Variants in CEP128 observed in about 807,000 individuals in gnomAD.
CEP128 encodes centrosomal protein 128kDa.
Under a neutral mutation model 156.7 loss-of-function variants are expected in CEP128, and 132 were observed. The observed-to-expected ratio is 0.84, with a 90% CI of 0.73 to 0.97. The LOEUF (loss-of-function observed/expected upper bound fraction) is 0.97, where lower values mean the gene tolerates loss of function less well. Ranked by LOEUF, CEP128 falls within the 50% of genes least tolerant of loss-of-function variation. CEP128 has a pLI of 0.00. For synonymous variants in CEP128, 469 were observed against 448.9 expected (o/e 1.04, Z -0.57); for missense variants, 1,252 against 1,281.9 (o/e 0.98, Z 0.36).
At chr14:80,677,508 C>CAAAAAAAAAAAAAAAAAA (rs57636757) in intron 19 of CEP128, among the ~76,000 whole-genome samples, 4 of 94,062 alleles carry the variant, frequency 4.3e-5, no homozygotes, top group African/African-American at 1.4e-4. Context: ...GACTCCGTCT[C>CAAAAAAAAAAAAAAAAAA]AAAAAAAAAA....
At chr14:80,923,130 T>G (rs1432360511) in intron 2 of CEP128, among the ~76,000 whole-genome samples, 1 of 152,242 alleles carries the variant, frequency 6.6e-6, no homozygotes, top group Non-Finnish European at 1.5e-5. Flanking sequence ...ATAGCTTATT[T>G]AGCTGCTCCC....
chr14:80,729,059 GTGTGTGTGTGTGTGTGT>G (rs1898146904), intron 19 of CEP128, among the ~76,000 whole-genome samples: 1 of 16,450 alleles, frequency 6.1e-5, no homozygotes, highest in African/African-American at 1.9e-4. Flanking sequence ...GCTGGTGGGG[GTGTGTGTGTGTGTGTGT>G]GTGTGTGTGT....
At chr14:80,726,605 T>C (rs1898029809) in intron 19 of CEP128, among the ~76,000 whole-genome samples, 1 of 152,224 alleles carries the variant, frequency 6.6e-6, no homozygotes, top group South Asian at 2.1e-4. Flanking sequence ...ACAGGTAGTC[T>C]TTGAAAATAA....
chr14:80,831,268 C>T lies in CEP128; in HGVS notation c.1084G>A (p.Glu362Lys). The change falls in exon 13 of 25, where the codon GAG becomes AAG. Residue 362 changes from glutamate (E) to lysine (K), a missense_variant. Transcript: ENST00000555265. The stretch of plus-strand genomic sequence containing the variant: ...ACTCTCAAATCTGACATTTGCTTCT[C>T]CAGGTCCTGTTTTTCCCGCTCAACC... ...RGVEREKQDL[E>K]KQMSDLRVQL... 4.3e-6 allele frequency: 7 copies of T among 1,613,976 alleles called. No individual in the cohort carries two copies. Among genetic ancestry groups the T allele is most frequent in the Non-Finnish European group, 5.1e-6 (6 of 1,179,932 alleles).
At chr14:80,895,460 A>C (rs984696913) in intron 8 of CEP128, among the ~76,000 whole-genome samples, 6 of 152,208 alleles carry the variant, frequency 3.9e-5, no homozygotes, top group African/African-American at 1.4e-4. Context: ...GTTAAAACAA[A>C]TGTTGACTGT....
chr14:80,935,599 T>TAAATAAATAAAA (rs1239911844), intron 2 of CEP128, among the ~76,000 whole-genome samples: 56 of 46,272 alleles, frequency 1.2e-3, no homozygotes, highest in African/African-American at 4.4e-3. Flanking sequence ...AATAAATAAA[T>TAAATAAATAAAA]AAAAATAAAG....
intron 4 of CEP128, among the ~76,000 whole-genome samples, chr14:80,909,371 T>TCACACACACACACACACACACA (rs36082524): frequency 2.5e-4 from 36 of 142,434 alleles, no homozygotes; most frequent in Middle Eastern, 3.6e-3. Context: ...AAGTGAATTT[T>TCACACACACACACACACACACA]CACACACACA....
chr14:80,738,189 A>C (rs10132840), intron 19 of CEP128, among the ~76,000 whole-genome samples: 9,851 of 152,240 alleles, frequency 0.065, 1,064 homozygotes, highest in African/African-American at 0.22. Flanking sequence ...CCAATATATA[A>C]ATAATGTATA....
chr14:80,498,117 C>T (rs1442023638), intron 24 of CEP128, among the ~76,000 whole-genome samples: 1 of 152,150 alleles, frequency 6.6e-6, no homozygotes, highest in Non-Finnish European at 1.5e-5. Flanking sequence ...TTACTCTTCT[C>T]CAACTTGAAA....
chr14:80,601,897 A>T (rs1892595390), intron 19 of CEP128, among the ~76,000 whole-genome samples: 1 of 152,196 alleles, frequency 6.6e-6, no homozygotes, highest in Non-Finnish European at 1.5e-5. Context: ...ATTACATTAA[A>T]TATAAACTCT....
intron 4 of CEP128, among the ~76,000 whole-genome samples, chr14:80,912,342 T>C (rs1884284136): frequency 6.6e-6 from 1 of 152,152 alleles, no homozygotes; most frequent in Non-Finnish European, 1.5e-5. Context: ...TTTAGTGCTA[T>C]GGAATATATC....
At chr14:80,919,800 A>G (rs1210054541) in intron 2 of CEP128, among the ~76,000 whole-genome samples, 1 of 152,206 alleles carries the variant, frequency 6.6e-6, no homozygotes, top group Non-Finnish European at 1.5e-5. Flanking sequence ...TACTTTTACT[A>G]AGACAGAATC....
chr14:80,612,072 T>A lies in CEP128; in HGVS notation c.2807-31649A>T, dbSNP rs1195146275. On this transcript the variant is annotated intron_variant, in intron 19 of 24. Transcript: ENST00000555265. The stretch of plus-strand genomic sequence containing the variant: ...GACTCTGTCTCAAAAAAATAAAAAA[T>A]AAATAAATAAAAACCTTAGATATAT... Among the ~76,000 whole-genome samples, 6 of 151,590 alleles carry A rather than the reference T, an allele frequency of 4.0e-5. No individual in the cohort carries two copies. The South Asian group carries it at 8.3e-4, about 21-fold the overall frequency.
intron 2 of CEP128, among the ~76,000 whole-genome samples, chr14:80,933,362 C>A (rs1885590098): frequency 6.6e-6 from 1 of 152,178 alleles, no homozygotes; most frequent in African/African-American, 2.4e-5. Flanking sequence ...GCAGAGAGCC[C>A]CCTCTAAGTT....
intron 8 of CEP128, among the ~76,000 whole-genome samples, chr14:80,876,346 C>T (rs1174346889): frequency 6.6e-6 from 1 of 151,956 alleles, no homozygotes; most frequent in Non-Finnish European, 1.5e-5. Flanking sequence ...GCCTGTAATC[C>T]CAGCACTTTG....
chr14:80,576,216 T>C (rs947043715), intron 20 of CEP128, among the ~76,000 whole-genome samples: 1 of 152,092 alleles, frequency 6.6e-6, no homozygotes, highest in South Asian at 2.1e-4. Flanking sequence ...TTCAACTAAA[T>C]TGAGGAAAAA....
intron 19 of CEP128, among the ~76,000 whole-genome samples, chr14:80,599,087 G>T (rs1418871370): frequency 6.6e-6 from 1 of 152,050 alleles, no homozygotes; most frequent in African/African-American, 2.4e-5. Context: ...CTTACTTCAT[G>T]TGAATCTAAC....
intron 19 of CEP128, among the ~76,000 whole-genome samples, chr14:80,663,450 A>G (rs924169198): frequency 2.0e-5 from 3 of 152,166 alleles, no homozygotes; most frequent in Non-Finnish European, 2.9e-5. Flanking sequence ...GTCAATGAAC[A>G]TATGTTTTGC....
intron 19 of CEP128, among the ~76,000 whole-genome samples, chr14:80,581,163 G>C (rs956703463): frequency 6.6e-6 from 1 of 152,160 alleles, no homozygotes; most frequent in Admixed American, 6.5e-5. Context: ...TCTGCCTGCA[G>C]CTATACCACC....
Sources: gnomAD v4.1 joint callset for allele counts (sites outside exome capture counted in the v4.1 genomes callset) on GRCh38, gnomAD v4.1.1 for gene constraint, MANE v1.5 for transcripts, NCBI Gene and HGNC (gene_info 2026-07-23, HGNC 2026-07-21) for gene names.